The following GSE1 variants were observed in gnomAD, a reference collection of about 807,000 sequenced individuals.
GSE1 encodes genetic suppressor element 1.
In GSE1, 32 loss-of-function variants were observed where a neutral mutation model predicts 112.6. The ratio of observed to expected loss-of-function variants is 0.28; its 90% confidence interval spans 0.21 to 0.38. The LOEUF is 0.38. Ranked by LOEUF, GSE1 falls within the 10% of genes least tolerant of loss-of-function variation. GSE1 has a pLI of 1.00. For missense variants in GSE1, 2,348 were observed against 1,699.2 expected, an observed-to-expected ratio of 1.38 and a Z score of -6.71; for synonymous variants, 1,115 against 735.6, an observed-to-expected ratio of 1.52 and a Z score of -8.35.
upstream of GSE1, among the ~76,000 whole-genome samples, chr16:85,553,458 G>A (rs1368155705): frequency 6.6e-6 from 1 of 151,546 alleles, no homozygotes; most frequent in Non-Finnish European, 1.5e-5. Flanking sequence ...GGGCGGCCCC[G>A]AGCGGCCGGT....
chr16:85,513,351 C>A (rs1388812073), intron 2 of GSE1, among the ~76,000 whole-genome samples: 1 of 152,112 alleles, frequency 6.6e-6, no homozygotes, highest in Admixed American at 6.5e-5. Flanking sequence ...GCTGGGTGAC[C>A]TAAGGCCACT....
rs549148301 is a variant in GSE1, at chr16:85,602,926, G to A, written c.38-45626G>A. On this transcript the variant is annotated intron_variant, in intron 1 of 2. Coordinates refer to the GSE1 transcript ENST00000635906. ...TGGGACCGGAGCGGGGCGCTCCGTG[G>A]GCAGCTGGTGACCTCTGCAGGCCTT... Among the ~76,000 whole-genome samples, 18 of 152,354 alleles carry A rather than the reference G, an allele frequency of 1.2e-4. No individual in the cohort carries two copies. In the South Asian group the frequency reaches 3.7e-3, roughly 32 times the overall value.
chr16:85,508,295 A>C (rs2051610727), intron 2 of GSE1, among the ~76,000 whole-genome samples: 1 of 152,076 alleles, frequency 6.6e-6, no homozygotes, highest in Non-Finnish European at 1.5e-5. Flanking sequence ...CGGCCTCCCA[A>C]AGTGCTGGGA....
chr16:85,425,625 C>T (rs2048960225), intron 2 of GSE1, among the ~76,000 whole-genome samples: 1 of 152,146 alleles, frequency 6.6e-6, no homozygotes, highest in Non-Finnish European at 1.5e-5. Context: ...CCAAACATGG[C>T]CACCCCACCC....
intron 1 of GSE1, among the ~76,000 whole-genome samples, chr16:85,588,519 C>T (rs1340552645): frequency 6.6e-6 from 1 of 152,222 alleles, no homozygotes; most frequent in Non-Finnish European, 1.5e-5. Flanking sequence ...CCGGCCAGTG[C>T]TCCAAATGAG....
At chr16:85,244,249 G>A (rs1905403751) in intron 1 of GSE1, among the ~76,000 whole-genome samples, 1 of 152,170 alleles carries the variant, frequency 6.6e-6, no homozygotes, top group Non-Finnish European at 1.5e-5. Flanking sequence ...GCAGAAGAGA[G>A]TCAGAGAGGT....
chr16:85,444,141 A>C (rs1371369455), intron 2 of GSE1, among the ~76,000 whole-genome samples: 1 of 151,908 alleles, frequency 6.6e-6, no homozygotes, highest in Non-Finnish European at 1.5e-5. Context: ...CATGCCACCA[A>C]GTCCAGCTAA....
chr16:85,185,587 G>T (rs1175660173), intron 1 of GSE1, among the ~76,000 whole-genome samples: 1 of 152,248 alleles, frequency 6.6e-6, no homozygotes, highest in Non-Finnish European at 1.5e-5. Flanking sequence ...CCATCTCCCT[G>T]TTTGGTGAGA....
Position 85,339,523 on chromosome 16 carries a change from G to C in GSE1, c.2284-17940G>C, listed in dbSNP as rs571719455. ...TCACTTCAGTCAATTATTCCCTTCA[G>C]ATCTTTTCAGGGAAGGCGGCAGTGA... On this transcript the variant is annotated intron_variant, in intron 1 of 2. Coordinates refer to the GSE1 transcript ENST00000637419. 8.2e-4 allele frequency among the ~76,000 whole-genome samples: 124 copies of C among 151,914 alleles called. 2 individuals carry two copies. Among genetic ancestry groups the C allele is most frequent in the Admixed American group, 6.8e-3 (103 of 15,246 alleles).
rs568776401 is a variant in GSE1 at position 85,499,295 on chromosome 16, C to CTTTTT, written c.2465-134590_2465-134586dup. 4.5e-4 allele frequency among the ~76,000 whole-genome samples: 35 copies of CTTTTT among 77,184 alleles called. 1 individual carries two copies. Among genetic ancestry groups the CTTTTT allele is most frequent in the African/African-American group, 1.6e-3 (32 of 19,500 alleles). The allele number at this position is 77,184 out of a possible 152,430, so 50.6% of individuals were successfully genotyped here. A position where few individuals can be genotyped will look rare whatever the true frequency, so the allele number is the denominator to read the frequency against. On this transcript the variant is annotated intron_variant, in intron 2 of 2. Coordinates refer to the GSE1 transcript ENST00000637419. Reference sequence around the variant, plus strand: ...GTCAGAGAGAAGGCAGGAAAGTCACCTTTTTTTTTTTTTTTTTTTTTTTTT... The same window carrying CTTTTT: ...GTCAGAGAGAAGGCAGGAAAGTCACCTTTTTTTTTTTTTTTTTTTTTTTTTTTTTT...
chr16:85,340,294 G>A (rs2151537901), intron 1 of GSE1, among the ~76,000 whole-genome samples: 1 of 152,298 alleles, frequency 6.6e-6, no homozygotes, highest in East Asian at 1.9e-4. Flanking sequence ...AGGCTGCAGT[G>A]AGCGGTGATT....
At chr16:85,608,529 G>A (rs148138741), upstream of GSE1, among the ~76,000 whole-genome samples, 197 of 152,126 alleles carry the variant, frequency 1.3e-3, no homozygotes, top group African/African-American at 4.5e-3. Context: ...GAGACCTGTC[G>A]TACCCCTGCA....
At chr16:85,410,609 T>C (rs76431630) in intron 2 of GSE1, among the ~76,000 whole-genome samples, 70 of 1,082 alleles carry the variant, frequency 0.065, 12 homozygotes, top group South Asian at 0.12. Flanking sequence ...GGATAATCCT[T>C]ACTGTTACAC....
intron 2 of GSE1, among the ~76,000 whole-genome samples, chr16:85,474,322 A>G (rs1352543785): frequency 6.6e-6 from 1 of 151,964 alleles, no homozygotes; most frequent in African/African-American, 2.4e-5. Flanking sequence ...TTTCTCCCAA[A>G]CAGCCTGCCC....
chr16:85,212,532 G>C (rs901576637), intron 1 of GSE1, among the ~76,000 whole-genome samples: 1 of 152,218 alleles, frequency 6.6e-6, no homozygotes, highest in Non-Finnish European at 1.5e-5. Flanking sequence ...GGATGACCGT[G>C]TAAGGACATG....
chr16:85,647,278 G>A (rs1010435137), intron 2 of GSE1, among the ~76,000 whole-genome samples: 5 of 152,130 alleles, frequency 3.3e-5, no homozygotes, highest in African/African-American at 1.2e-4. Context: ...GCTACCCGCG[G>A]GGCTGCAGCC....
intron 2 of GSE1, among the ~76,000 whole-genome samples, chr16:85,368,826 C>G (rs1327492907): frequency 1.3e-5 from 2 of 152,146 alleles, no homozygotes; most frequent in Non-Finnish European, 2.9e-5. Flanking sequence ...AGATTGGGGT[C>G]AAGGGCACTT....
chr16:85,337,294 T>C (rs1050983283), intron 1 of GSE1, among the ~76,000 whole-genome samples: 1 of 149,550 alleles, frequency 6.7e-6, no homozygotes, highest in African/African-American at 2.5e-5. Flanking sequence ...GACTTTTTTT[T>C]TTCTTTTCTT....
chr16:85,292,119 G>A (rs956793023), intron 1 of GSE1, among the ~76,000 whole-genome samples: 4 of 151,476 alleles, frequency 2.6e-5, no homozygotes, highest in Admixed American at 6.6e-5. Context: ...AACTGAAGGT[G>A]AAATTCACAC....
Sources: gnomAD v4.1 joint callset for allele counts (sites outside exome capture counted in the v4.1 genomes callset) on GRCh38, gnomAD v4.1.1 for gene constraint, MANE v1.5 for transcripts, NCBI Gene and HGNC (gene_info 2026-07-23, HGNC 2026-07-21) for gene names.